Variants in FAM161A observed in about 807,000 individuals in gnomAD.
FAM161A encodes the protein protein FAM161A.
A neutral mutation model predicts 70.9 loss-of-function variants in FAM161A; 57 were observed. The observed-to-expected ratio is 0.80, with a 90% confidence interval of 0.65 to 1.00. FAM161A has a LOEUF of 1.00. FAM161A is among the 50% of genes least tolerant of loss of function. The pLI is 0.00. For missense variants in FAM161A, 880 were observed against 836.0 expected (o/e 1.05, Z -0.65); for synonymous variants, 299 against 295.7 (o/e 1.01, Z -0.12).
In FAM161A at chr2:61,825,140, C is replaced by T; in HGVS notation, c.*1315G>A. 1 of 441,812 alleles carries T rather than the reference C, an allele frequency of 2.3e-6. No homozygotes were observed. The highest frequency in any genetic ancestry group is 4.5e-6 in the Non-Finnish European group (1 of 222,634). The allele number at this position is 441,812 out of a possible 1,614,324, so 27.4% of individuals were successfully genotyped here. On this transcript the variant is annotated 3_prime_UTR_variant, in exon 7 of 7. Coordinates refer to ENST00000404929, the MANE Select transcript of FAM161A (RefSeq NM_001201543.2). ...ATTAGTTCATCCTTTTAAAATGATG[C>T]TGATTGTTTTTAGAAAAGAAAATGT...
chr2:61,833,624 T>C (rs1179309797), intron 5 of FAM161A, among the ~76,000 whole-genome samples: 1 of 152,122 alleles, frequency 6.6e-6, no homozygotes, highest in East Asian at 1.9e-4. Context: ...TCACCTACCA[T>C]ATCAATAAGC....
Position 61,839,739 on chromosome 2 carries a change from T to C in FAM161A, c.1265A>G (p.His422Arg), listed in dbSNP as rs1243644397. Reference sequence around the variant, plus strand: ...ATCAGGAGTTGGGCACCTAACCTTGTGTTTACACTTCAACTTTACAGCCTG... The same window carrying C: ...ATCAGGAGTTGGGCACCTAACCTTGCGTTTACACTTCAACTTTACAGCCTG... ...PEQAVKLKCK[H>R]KVRCPTPDFE... The change falls in exon 3 of 7, where the codon CAC becomes CGC. Residue 422 changes from histidine to arginine, a missense_variant. His to Arg is a conservative substitution (Grantham distance 29). Coordinates refer to ENST00000404929, the MANE Select transcript of FAM161A (RefSeq NM_001201543.2). 6.2e-7 allele frequency: 1 copy of C among 1,614,170 alleles called. No homozygotes were observed.
intron 1 of FAM161A, among the ~76,000 whole-genome samples, chr2:61,850,507 T>A (rs757527328): frequency 1.0e-3 from 156 of 151,716 alleles, no homozygotes; most frequent in Non-Finnish European, 1.8e-3. Flanking sequence ...ATCCCAGCAC[T>A]TTTGGGAGGC....
intron 4 of FAM161A, 67 bp downstream of exon 4, chr2:61,838,471 T>A (rs1318172609): frequency 7.6e-7 from 1 of 1,313,044 alleles, no homozygotes; most frequent in Non-Finnish European, 1.1e-6. Context: ...TATTTTACTA[T>A]CTACTGATTA....
At chr2:61,833,425 CAAAAA>C (rs35987360) in intron 5 of FAM161A, among the ~76,000 whole-genome samples, 9 of 110,762 alleles carry the variant, frequency 8.1e-5, no homozygotes, top group African/African-American at 2.5e-4. Context: ...GACTCTGTCT[CAAAAA>C]AAAAAAAAAA....
chr2:61,802,795 G>C, the FAM161A span, among the ~76,000 whole-genome samples: 1 of 152,186 alleles, frequency 6.6e-6, no homozygotes, highest in Non-Finnish European at 1.5e-5. Context: ...TAATTCGCAA[G>C]ATGGTCGTAA....
chr2:61,811,519 G>A, the FAM161A span, among the ~76,000 whole-genome samples: 5 of 152,052 alleles, frequency 3.3e-5, no homozygotes, highest in East Asian at 1.9e-4. Context: ...GATTACAGGC[G>A]TGATCCACCA....
intron 5 of FAM161A, chr2:61,835,393 T>C (rs1282134731): frequency 6.6e-6 from 1 of 152,294 alleles, no homozygotes; most frequent in East Asian, 1.9e-4. Context: ...CCACTGTCCG[T>C]AAGACTAGTT....
chr2:61,802,325 C>T, the FAM161A span, among the ~76,000 whole-genome samples: 1 of 152,278 alleles, frequency 6.6e-6, no homozygotes, highest in East Asian at 1.9e-4. Context: ...CTGATCTCAC[C>T]TCCAGCACCA....
chr2:61,827,007 A>G (rs1370943561), intron 6 of FAM161A, 97 bp downstream of exon 6: 2 of 1,187,990 alleles, frequency 1.7e-6, no homozygotes, highest in Non-Finnish European at 2.4e-6. Flanking sequence ...TTTTTAAAAC[A>G]ATATAGAACA....
downstream of FAM161A, among the ~76,000 whole-genome samples, chr2:61,823,362 CATATATAT>C (rs59631970): frequency 0.65 from 78,193 of 119,906 alleles, 26,579 homozygotes; most frequent in East Asian, 0.88. Flanking sequence ...AATTTTCCAT[CATATATAT>C]ATATATATAT....
At position 61,825,239 on chromosome 2, in the gene FAM161A, T is replaced by C. The variant is rs1672305506; in HGVS notation, c.*1216A>G. 1 of 442,728 alleles carries C rather than the reference T, an allele frequency of 2.3e-6. No individual in the cohort carries two copies. The highest frequency in any genetic ancestry group is 4.5e-6 in the Non-Finnish European group (1 of 224,280). 27.4% of individuals were successfully genotyped at this position (442,728 alleles called of 1,614,324 possible). ...TTTGCTTAAAGAAAAAAATATAGAT[T>C]TATAAAATCAGATTAACACTGTACA... On this transcript the variant is annotated 3_prime_UTR_variant, in exon 7 of 7. Coordinates refer to ENST00000404929, the MANE Select transcript of FAM161A (RefSeq NM_001201543.2).
chr2:61,844,378 T>C (rs1050639712), intron 1 of FAM161A, among the ~76,000 whole-genome samples: 1 of 152,066 alleles, frequency 6.6e-6, no homozygotes. Context: ...AGCTAGCTGC[T>C]AAAATGTACG....
chr2:61,839,888 C>G lies in FAM161A; in HGVS notation c.1116G>C (p.Lys372Asn). The change falls in exon 3 of 7, where the codon AAG becomes AAC. Residue 372 changes from lysine (K) to asparagine (N), a missense_variant. Physicochemically the swap from Lys to Asn is moderately conservative, Grantham distance 94 (BLOSUM62 0). Transcript: ENST00000404929. Reference sequence around the variant, plus strand: ...TTCGATAGAGCTCTTCTTCTTTTAACTTGTCATTGGTAGTTGAACCATAAG... The same window carrying G: ...TTCGATAGAGCTCTTCTTCTTTTAAGTTGTCATTGGTAGTTGAACCATAAG... ...RSTYGSTTND[K>N]LKEEELYRNL... The G allele has an allele frequency of 6.2e-7, 1 of 1,614,210 alleles. No homozygotes were observed. Among genetic ancestry groups the G allele is most frequent in the Non-Finnish European group, 8.5e-7 (1 of 1,180,036 alleles).
the FAM161A span, among the ~76,000 whole-genome samples, chr2:61,803,768 C>T: frequency 3.3e-4 from 50 of 152,044 alleles, no homozygotes; most frequent in Admixed American, 2.1e-3. Context: ...GAGCTGAGAT[C>T]GCACCATTGT....
the FAM161A span, among the ~76,000 whole-genome samples, chr2:61,814,024 G>C: frequency 8.5e-5 from 13 of 152,126 alleles, no homozygotes; most frequent in Non-Finnish European, 1.6e-4. Context: ...TCAGAGTGAG[G>C]TTAGAGATGC....
chr2:61,839,738 G>C lies in FAM161A; in HGVS notation c.1266C>G (p.His422Gln), dbSNP rs748970261. Residue 422 changes from histidine (H) to glutamine (Q), a missense_variant, in exon 3 of 7, where the codon CAC becomes CAG. Transcript: ENST00000404929. The stretch of plus-strand genomic sequence containing the variant: ...AATCAGGAGTTGGGCACCTAACCTT[G>C]TGTTTACACTTCAACTTTACAGCCT... Reference protein sequence around the residue: ...PEQAVKLKCKHKVRCPTPDFE... With the variant: ...PEQAVKLKCKQKVRCPTPDFE... The C allele has an allele frequency of 1.9e-6, 3 of 1,614,160 alleles. No homozygotes were observed. Among genetic ancestry groups the C allele is most frequent in the South Asian group, 2.2e-5 (2 of 91,088 alleles).
At position 61,825,699 on chromosome 2, in the gene FAM161A, G is replaced by A. The variant is rs901371335; in HGVS notation, c.*756C>T. 4.1e-5 allele frequency: 17 copies of A among 416,902 alleles called. No homozygotes were observed. Among genetic ancestry groups the A allele is most frequent in the African/African-American group, 6.3e-5 (3 of 47,312 alleles). 25.8% of individuals were successfully genotyped at this position (416,902 alleles called of 1,614,324 possible). A position where few individuals can be genotyped will look rare whatever the true frequency, so the allele number is the denominator to read the frequency against. On this transcript the variant is annotated 3_prime_UTR_variant, in exon 7 of 7. Coordinates refer to ENST00000404929, the MANE Select transcript of FAM161A (RefSeq NM_001201543.2). ...GTTGCCCAAGCTGGAGTGCAGTGGC[G>A]CGATCTCGGCTCACTGCAAGCTCTG...
chr2:61,836,547 AT>A (rs1472172535), intron 4 of FAM161A: 1 of 156,144 alleles, frequency 6.4e-6, no homozygotes, highest in African/African-American at 2.4e-5. Context: ...CTTTGCTCTT[AT>A]TTTTTATTAT....
Sources: allele counts gnomAD v4.1 joint callset (sites outside exome capture counted in the v4.1 genomes callset), GRCh38; gene constraint gnomAD v4.1.1; transcripts MANE v1.5; gene names NCBI Gene and HGNC (gene_info 2026-07-23, HGNC 2026-07-21).